The following SNX9 variants were observed in gnomAD, a reference collection of about 807,000 sequenced individuals.
SNX9 encodes the protein sorting nexin 9.
SNX9 carries 44 observed loss-of-function variants against 89.4 expected under a neutral mutation model. That is an observed-to-expected ratio of 0.49 (90% CI 0.39 to 0.63). The LOEUF (loss-of-function observed/expected upper bound fraction) is 0.63. Among genes scored for constraint, SNX9 ranks in the 30% least tolerant of loss-of-function variants. The probability of loss-of-function intolerance (pLI) is 0.00; values close to 1 mark genes in which losing one functional copy is unlikely to be tolerated. For missense variants in SNX9, 578 were observed against 736.1 expected, an observed-to-expected ratio of 0.79 and a Z score of 2.49; for synonymous variants, 236 against 247.8, an observed-to-expected ratio of 0.95 and a Z score of 0.45.
At chr6:157,866,815 T>G (rs568760632) in intron 1 of SNX9, among the ~76,000 whole-genome samples, 1 of 152,238 alleles carries the variant, frequency 6.6e-6, no homozygotes, top group East Asian at 2.0e-4. Flanking sequence ...TAGATGTGTG[T>G]GCGTGTGTGT....
At chr6:157,934,188 G>A (rs973014858) in intron 13 of SNX9, 5 of 152,254 alleles carry the variant, frequency 3.3e-5, no homozygotes, top group Middle Eastern at 3.4e-3. Flanking sequence ...ACAAGTTCAT[G>A]TACTAACTTG....
intron 1 of SNX9, among the ~76,000 whole-genome samples, chr6:157,860,331 A>T (rs929249531): frequency 2.6e-5 from 4 of 152,230 alleles, no homozygotes; most frequent in Admixed American, 6.5e-5. Flanking sequence ...GCTTGAGCCC[A>T]GGAGTTCAAG....
At chr6:157,918,808 A>G (rs535459031) in intron 9 of SNX9, among the ~76,000 whole-genome samples, 7 of 152,184 alleles carry the variant, frequency 4.6e-5, no homozygotes, top group Non-Finnish European at 7.4e-5. Flanking sequence ...TTAACATCAC[A>G]GTGCACTTTA....
chr6:157,837,779 C>T lies in SNX9; in HGVS notation c.12+14333C>T, dbSNP rs569114557. 9.2e-5 allele frequency among the ~76,000 whole-genome samples: 14 copies of T among 152,224 alleles called. No homozygotes were observed. The South Asian group carries it at 2.3e-3, about 25-fold the overall frequency. ...TGTCTCTGCAGTCAGTAAGAAGTAA[C>T]GGGTGTCTAAATAAGAGAAGGGCAG... On this transcript the variant is annotated intron_variant, in intron 1 of 17. Transcript: ENST00000392185.
intron 1 of SNX9, among the ~76,000 whole-genome samples, chr6:157,826,782 TA>T (rs1562585783): frequency 0.09 from 9,444 of 105,470 alleles, 510 homozygotes; most frequent in Non-Finnish European, 0.11. Context: ...ATAAATATAT[TA>T]TATTATATAT....
chr6:157,907,294 G>A (rs1583229884), intron 7 of SNX9, among the ~76,000 whole-genome samples: 1 of 152,080 alleles, frequency 6.6e-6, no homozygotes, highest in Middle Eastern at 3.4e-3. Context: ...TTGTTTGTTT[G>A]TTTTTAAGAC....
At chr6:157,870,408 C>T (rs1782375575) in intron 2 of SNX9, among the ~76,000 whole-genome samples, 1 of 151,936 alleles carries the variant, frequency 6.6e-6, no homozygotes, top group Admixed American at 6.6e-5. Flanking sequence ...ACACTGTCAC[C>T]TGCTCTCACA....
At chr6:157,880,202 G>A (rs910855789) in intron 4 of SNX9, among the ~76,000 whole-genome samples, 1 of 152,186 alleles carries the variant, frequency 6.6e-6, no homozygotes, top group Non-Finnish European at 1.5e-5. Context: ...TGTGGCTTTG[G>A]CATAAGACCT....
At chr6:157,832,127 C>T (rs887882125) in intron 1 of SNX9, among the ~76,000 whole-genome samples, 1 of 152,198 alleles carries the variant, frequency 6.6e-6, no homozygotes, top group Non-Finnish European at 1.5e-5. Context: ...GCTATTCAGT[C>T]TGACTGAATT....
At chr6:157,867,481 A>G (rs1287674840) in intron 1 of SNX9, 66 bp from the exon 2 acceptor site, 18 of 1,247,544 alleles carry the variant, frequency 1.4e-5, no homozygotes, top group Non-Finnish European at 1.9e-5. Context: ...TGAACTGTAC[A>G]CCTTTTGTGT....
At chr6:157,900,241 C>T (rs1487814233) in intron 5 of SNX9, among the ~76,000 whole-genome samples, 1 of 152,006 alleles carries the variant, frequency 6.6e-6, no homozygotes, top group African/African-American at 2.4e-5. Flanking sequence ...TTTTCATATA[C>T]CTCTTGGCCA....
In SNX9 at chr6:157,831,231, T is replaced by C. The variant is rs188495934; in HGVS notation, c.12+7785T>C. ...TTTTGTGATTTGATTTGATTTTTCC[T>C]TGAGTTGCTTGTTTTCCTTGGAACT... On this transcript the variant is annotated intron_variant, in intron 1 of 17. Transcript: ENST00000392185. Among the ~76,000 whole-genome samples, 748 of 152,352 alleles carry C rather than the reference T, an allele frequency of 4.9e-3. 9 individuals carry two copies. The highest frequency in any genetic ancestry group is 0.017 in the African/African-American group (718 of 41,568).
At position 157,896,890 on chromosome 6, in the gene SNX9, T is replaced by C. The variant is rs1254407048; in HGVS notation, c.364T>C (p.Ser122Pro). 3 of 1,613,544 alleles carry C rather than the reference T, an allele frequency of 1.9e-6. No homozygotes were observed. The highest frequency in any genetic ancestry group is 1.7e-6 in the Non-Finnish European group (2 of 1,179,830). The part of the protein sequence containing the change: ...SASKSGNWES[S>P]EGWGAQPEGA... ...CTCCAAATCTGGGAACTGGGAAAGCTCAGAAGGCTGGGGGGCCCAGCCAGA... is the reference window on the plus strand; with the variant it reads ...CTCCAAATCTGGGAACTGGGAAAGCCCAGAAGGCTGGGGGGCCCAGCCAGA... The change falls in exon 5 of 18, where the codon TCA (serine) becomes CCA (proline). Residue 122 changes from serine to proline, a missense_variant. By Grantham distance (74) the Ser-to-Pro change is moderately conservative (BLOSUM62 -1). Coordinates refer to ENST00000392185, the MANE Select transcript of SNX9 (RefSeq NM_016224.5).
intron 6 of SNX9, among the ~76,000 whole-genome samples, chr6:157,904,220 G>A (rs892756552): frequency 2.0e-5 from 3 of 152,110 alleles, no homozygotes; most frequent in Non-Finnish European, 4.4e-5. Context: ...CAGATCACGA[G>A]GTCAGGAATT....
At chr6:157,891,168 A>T (rs1298590232) in intron 4 of SNX9, among the ~76,000 whole-genome samples, 1 of 150,716 alleles carries the variant, frequency 6.6e-6, no homozygotes, top group African/African-American at 2.4e-5. Flanking sequence ...AGTAGCTGGG[A>T]TTATAGGCTC....
chr6:157,935,855 T>C (rs1783913009), intron 13 of SNX9, 109 bp from the exon 14 acceptor site: 2 of 795,024 alleles, frequency 2.5e-6, no homozygotes, highest in Non-Finnish European at 3.8e-6. Context: ...TTGAAAATGT[T>C]TGAAAGTTTC....
chr6:157,850,886 A>G (rs1176565458), intron 1 of SNX9, among the ~76,000 whole-genome samples: 1 of 152,230 alleles, frequency 6.6e-6, no homozygotes, highest in Non-Finnish European at 1.5e-5. Flanking sequence ...CCATAGAAGG[A>G]AGGAGCATGC....
At chr6:157,858,584 G>A (rs1782059139) in intron 1 of SNX9, among the ~76,000 whole-genome samples, 1 of 152,092 alleles carries the variant, frequency 6.6e-6, no homozygotes, top group African/African-American at 2.4e-5. Context: ...TTGATATAGG[G>A]GTGGGAGGAT....
chr6:157,882,922 T>G (rs1038681180), intron 4 of SNX9, among the ~76,000 whole-genome samples: 7 of 152,214 alleles, frequency 4.6e-5, no homozygotes, highest in African/African-American at 1.7e-4. Context: ...TTTGAGAGAA[T>G]TGATTCCAGT....
Sources: allele counts gnomAD v4.1 joint callset (sites outside exome capture counted in the v4.1 genomes callset), GRCh38; gene constraint gnomAD v4.1.1; transcripts MANE v1.5; gene names NCBI Gene and HGNC (gene_info 2026-07-23, HGNC 2026-07-21).